Variants in FNDC1 observed in about 807,000 individuals in gnomAD.
FNDC1 encodes the protein fibronectin type III domain containing 1.
Under a neutral mutation model 168.0 loss-of-function variants are expected in FNDC1, and 96 were observed. The ratio of observed to expected loss-of-function variants is 0.57; its 90% CI spans 0.48 to 0.68. The LOEUF is 0.68. Ranked by LOEUF, FNDC1 falls within the 30% of genes least tolerant of loss-of-function variation. FNDC1 has a pLI of 0.00. For synonymous variants in FNDC1, 1,099 were observed against 1,025.9 expected (o/e 1.07, Z -1.36); for missense variants, 2,587 against 2,482.1 (o/e 1.04, Z -0.90).
intron 2 of FNDC1, among the ~76,000 whole-genome samples, chr6:159,198,967 T>A (rs962280340): frequency 5.3e-5 from 8 of 152,214 alleles, no homozygotes; most frequent in Non-Finnish European, 1.0e-4. Flanking sequence ...ACAGCAGGCA[T>A]CCCAGGGGGC....
rs1782934435 is a variant in FNDC1 at position 159,225,493 on chromosome 6, G to A, written c.885-42G>A. ...ACAGCGAGGCATCTAGTGTTGAGTG[G>A]CAGAGAATTTGGACAGATCATTGTG... On this transcript the variant is annotated intron_variant, in intron 7 of 22. Coordinates refer to ENST00000297267, the MANE Select transcript of FNDC1 (RefSeq NM_032532.3). 4.0e-6 allele frequency: 6 copies of A among 1,489,290 alleles called. No individual in the cohort carries two copies. The African/African-American group carries it at 6.8e-5, about 17-fold the overall frequency. 92.3% of individuals were successfully genotyped at this position (1,489,290 alleles called of 1,614,324 possible). A position where few individuals can be genotyped will look rare whatever the true frequency, so the allele number is the denominator to read the frequency against.
In FNDC1 at chr6:159,231,950, CCTT is replaced by C; in HGVS notation, c.1441_1443del (p.Ser481del). The C allele has an allele frequency of 6.2e-7, 1 of 1,613,964 alleles. No individual in the cohort carries two copies. Among genetic ancestry groups the C allele is most frequent in the South Asian group, 1.1e-5 (1 of 91,076 alleles). Reference sequence around the variant, plus strand: ...ACCCGAAAAACCTGAGCCTTCCTCACCTTCTCCCAGAGCTCCAGCTTCCTCCCA... The same window carrying C: ...ACCCGAAAAACCTGAGCCTTCCTCACCTCCCAGAGCTCCAGCTTCCTCCCA... On this transcript the variant is annotated inframe_deletion, in exon 11 of 23. Transcript: ENST00000297267.
At chr6:159,196,281 T>G (rs1782238738) in intron 1 of FNDC1, among the ~76,000 whole-genome samples, 1 of 152,214 alleles carries the variant, frequency 6.6e-6, no homozygotes, top group Non-Finnish European at 1.5e-5. Context: ...ACATTCTTTC[T>G]CTAACGCTTC....
At chr6:159,255,332 C>T (rs1320039518) in intron 17 of FNDC1, among the ~76,000 whole-genome samples, 1 of 152,164 alleles carries the variant, frequency 6.6e-6, no homozygotes. Context: ...CACCTCCTAC[C>T]ACACAGCTTA....
chr6:159,266,625 T>TAGGAA (rs1777598936), intron 21 of FNDC1, among the ~76,000 whole-genome samples: 2 of 150,720 alleles, frequency 1.3e-5, no homozygotes, highest in Admixed American at 1.3e-4. Flanking sequence ...CACTATGTCT[T>TAGGAA]AGGAATGACA....
chr6:159,176,745 G>T (rs748866981), intron 1 of FNDC1, among the ~76,000 whole-genome samples: 3 of 152,136 alleles, frequency 2.0e-5, no homozygotes, highest in Non-Finnish European at 2.9e-5. Context: ...GTGGCATGTC[G>T]CTGGGTCAGT....
At chr6:159,240,172 T>C (rs1783388631) in intron 14 of FNDC1, among the ~76,000 whole-genome samples, 1 of 47,956 alleles carries the variant, frequency 2.1e-5, no homozygotes, top group Non-Finnish European at 5.9e-5. Flanking sequence ...TGGGACATAT[T>C]TATATGAAAA....
At chr6:159,260,056 A>C in intron 18 of FNDC1, among the ~76,000 whole-genome samples, 1 of 152,216 alleles carries the variant, frequency 6.6e-6, no homozygotes, top group Non-Finnish European at 1.5e-5. Flanking sequence ...TAGTACATGG[A>C]ATTTGTGTGC....
intron 4 of FNDC1, among the ~76,000 whole-genome samples, chr6:159,208,310 G>C (rs1208283589): frequency 6.6e-6 from 1 of 152,196 alleles, no homozygotes; most frequent in Admixed American, 6.5e-5. Context: ...TTGGTCTTCT[G>C]GGTCTAGAGA....
Position 159,232,006 on chromosome 6 carries a change from A to G in FNDC1, c.1494A>G (p.Gln498=), listed in dbSNP as rs1783092180. 3 of 1,613,876 alleles carry G rather than the reference A, an allele frequency of 1.9e-6. No homozygotes were observed. The highest frequency in any genetic ancestry group is 2.5e-6 in the Non-Finnish European group (3 of 1,179,856). The part of the protein sequence containing the change: ...SQHPSVPASP[Q]GRNAKDLLLD... ...ACCCCTCTGTGCCTGCTTCTCCCCA[A>G]GGGAGAAATGCCAAGGACCTTCTTC... Residue 498 remains glutamine, a synonymous_variant, in exon 11 of 23, where the codon CAA becomes CAG. Coordinates refer to ENST00000297267, the MANE Select transcript of FNDC1 (RefSeq NM_032532.3). This position sits in a 1 kb window ranked among gnomAD's most constrained non-coding sequence, Gnocchi z 4.9.
intron 11 of FNDC1, among the ~76,000 whole-genome samples, chr6:159,235,875 A>G (rs1465291692): frequency 1.3e-5 from 2 of 152,126 alleles, no homozygotes; most frequent in African/African-American, 4.8e-5. Flanking sequence ...TATCCTTCCA[A>G]TCCTTCCTTC....
At position 159,234,098 on chromosome 6, in the gene FNDC1, C is replaced by T. The variant is rs1363894749; in HGVS notation, c.3586C>T (p.Leu1196=). Residue 1196 remains leucine, a synonymous_variant, in exon 11 of 23, where the codon CTG becomes TTG. Transcript: ENST00000297267. ...GFFKGGKEDL[L]SSSVPKWPSS... ...TTTTAAAGGCGGGAAAGAAGACCTT[C>T]TGTCTTCCTCTGTGCCAAAGTGGCC... 1 of 1,609,376 alleles carries T rather than the reference C, an allele frequency of 6.2e-7. No individual in the cohort carries two copies. The highest frequency in any genetic ancestry group is 1.7e-5 in the Admixed American group (1 of 59,562).
intron 14 of FNDC1, among the ~76,000 whole-genome samples, chr6:159,244,065 T>G (rs1394845331): frequency 1.3e-5 from 2 of 152,210 alleles, no homozygotes; most frequent in Non-Finnish European, 2.9e-5. Context: ...TGCAAAAACC[T>G]TACAATGTAT....
Position 159,266,119 on chromosome 6 carries a change from CATG to C in FNDC1, c.5323_5325del (p.Asp1775del), listed in dbSNP as rs750555911. 2 of 1,613,814 alleles carry C rather than the reference CATG, an allele frequency of 1.2e-6. No homozygotes were observed. The highest frequency in any genetic ancestry group is 1.7e-6 in the Non-Finnish European group (2 of 1,179,834). Reference sequence around the variant, plus strand: ...TATCTGGATCCCATTCGCTTTCAAACATGATCCCAGCTACACGGACTGCCATGG... The same window carrying C: ...TATCTGGATCCCATTCGCTTTCAAACATCCCAGCTACACGGACTGCCATGG... On this transcript the variant is annotated inframe_deletion, in exon 21 of 23. Transcript: ENST00000297267.
chr6:159,263,191 G>A (rs1777524601), intron 19 of FNDC1, among the ~76,000 whole-genome samples: 1 of 152,190 alleles, frequency 6.6e-6, no homozygotes, highest in Admixed American at 6.5e-5. Flanking sequence ...GAGCAGGGGA[G>A]CAAAGCAAGC....
In FNDC1 at chr6:159,239,509, T is replaced by C; in HGVS notation, c.4181-8T>C. The C allele has an allele frequency of 6.4e-7, 1 of 1,571,744 alleles. No homozygotes were observed. On this transcript the variant is annotated splice_polypyrimidine_tract_variant and splice_region_variant and intron_variant, in intron 13 of 22. Coordinates refer to ENST00000297267, the MANE Select transcript of FNDC1 (RefSeq NM_032532.3). Reference sequence around the variant, plus strand: ...TTGTTGCATAGCTATTGGTTGATTTTGTTTCAGATCTGGAAGGGACCCCCG... The same window carrying C: ...TTGTTGCATAGCTATTGGTTGATTTCGTTTCAGATCTGGAAGGGACCCCCG...
At chr6:159,200,443 G>C in intron 3 of FNDC1, 70 bp from the exon 4 acceptor site, 1 of 1,107,576 alleles carries the variant, frequency 9.0e-7, no homozygotes, top group Non-Finnish European at 1.3e-6. Flanking sequence ...TATACATTAT[G>C]GATGCACTGT....
chr6:159,235,967 C>T (rs1366322984), intron 11 of FNDC1, among the ~76,000 whole-genome samples: 1 of 152,250 alleles, frequency 6.6e-6, no homozygotes, highest in Admixed American at 6.5e-5. Flanking sequence ...ATGCCACACA[C>T]TCTCATTCCC....
At chr6:159,268,044 G>A in intron 22 of FNDC1, 118 bp downstream of exon 22, 1 of 1,032,470 alleles carries the variant, frequency 9.7e-7, no homozygotes, top group Non-Finnish European at 1.4e-6. Flanking sequence ...GATGTTGGGA[G>A]CACTTAAGGT....
Sources: allele counts gnomAD v4.1 joint callset (sites outside exome capture counted in the v4.1 genomes callset), GRCh38; gene constraint gnomAD v4.1.1; non-coding constraint Gnocchi (gnomAD v3.1); transcripts MANE v1.5; gene names NCBI Gene and HGNC (gene_info 2026-07-23, HGNC 2026-07-21).